Variants in CBX3 observed in about 807,000 individuals in gnomAD.
CBX3 encodes the protein chromobox protein homolog 3.
A neutral mutation model predicts 22.6 loss-of-function variants in CBX3; 5 were observed. That is an observed-to-expected ratio of 0.22 (90% confidence interval 0.12 to 0.47). The LOEUF is 0.47. CBX3 is among the 20% of genes least tolerant of loss of function. The pLI, the probability that CBX3 is intolerant of heterozygous loss-of-function variation, is 0.99. For missense variants in CBX3, 83 were observed against 208.1 expected, an observed-to-expected ratio of 0.40 and a Z score of 3.70; for synonymous variants, 50 against 66.6, an observed-to-expected ratio of 0.75 and a Z score of 1.21.
At chr7:26,209,366 G>A (rs920349826) in intron 4 of CBX3, among the ~76,000 whole-genome samples, 7 of 152,282 alleles carry the variant, frequency 4.6e-5, no homozygotes, top group Admixed American at 3.9e-4. Flanking sequence ...GGTTGTGCTA[G>A]TGCAATTTTT....
rs1784676197 is a variant in CBX3, at chr7:26,206,362, T to C, written c.25-6T>C. On this transcript the variant is annotated splice_region_variant and splice_polypyrimidine_tract_variant and intron_variant, in intron 2 of 5. Coordinates refer to ENST00000396386, the MANE Select transcript of CBX3 (RefSeq NM_016587.4). ...ATTTCTTAATTTCTCTTTTGTTTTA[T>C]TTTAGCAAAAAATGGGAAAAAAACA... 1 of 623,488 alleles carries C rather than the reference T, an allele frequency of 1.6e-6. No individual in the cohort carries two copies. Among genetic ancestry groups the C allele is most frequent in the East Asian group, 7.8e-5 (1 of 12,814 alleles). The allele number at this position is 623,488 out of a possible 1,614,324, so 38.6% of individuals were successfully genotyped here.
intron 2 of CBX3, 68 bp downstream of exon 2, chr7:26,203,090 T>A: frequency 9.1e-7 from 1 of 1,100,682 alleles, no homozygotes; most frequent in South Asian, 1.3e-5. Context: ...AGTATAACTT[T>A]GCATCTCTGT....
chr7:26,211,794 T>A, intron 5 of CBX3, 38 bp downstream of exon 5: 1 of 1,412,812 alleles, frequency 7.1e-7, no homozygotes, highest in East Asian at 2.4e-5. Flanking sequence ...AAAGTAAGAG[T>A]AGCTTTTTTT....
intron 2 of CBX3, 38 bp downstream of exon 2, chr7:26,203,060 C>G (rs752508670): frequency 3.6e-6 from 5 of 1,407,108 alleles, no homozygotes; most frequent in East Asian, 3.1e-5. Context: ...AAGGATTTAA[C>G]TCAAGTTTTT....
At chr7:26,208,652 C>G in intron 4 of CBX3, 97 bp downstream of exon 4, 2 of 1,172,816 alleles carry the variant, frequency 1.7e-6, no homozygotes, top group Non-Finnish European at 1.2e-6. Flanking sequence ...TGGAGTCTTG[C>G]TCTTGTCGCC....
chr7:26,209,140 C>T (rs1188104001), intron 4 of CBX3, among the ~76,000 whole-genome samples: 1 of 151,758 alleles, frequency 6.6e-6, no homozygotes, highest in Admixed American at 6.6e-5. Context: ...CTCCTGACAT[C>T]AGGTGATCCA....
intron 1 of CBX3, chr7:26,202,554 G>C: frequency 6.3e-6 from 1 of 159,146 alleles, no homozygotes; most frequent in Non-Finnish European, 1.4e-5. Flanking sequence ...GAGGGTTTCT[G>C]AGCAGAAACC....
chr7:26,207,559 C>G (rs181904482), intron 3 of CBX3, among the ~76,000 whole-genome samples: 12 of 152,222 alleles, frequency 7.9e-5, no homozygotes, highest in Admixed American at 2.6e-4. Context: ...CACCCTGTTG[C>G]CCAGGCTGGA....
chr7:26,211,835 A>T lies in CBX3; in HGVS notation c.425+79A>T, dbSNP rs1784807843. On this transcript the variant is annotated intron_variant, in intron 5 of 5. Coordinates refer to ENST00000396386, the MANE Select transcript of CBX3 (RefSeq NM_016587.4). ...ATTTGTGAAATGGTTTTTCATCATT[A>T]GGTAGGGAAAAACTATCTGCTGAGA... The T allele has an allele frequency of 4.5e-6, 5 of 1,101,700 alleles. No homozygotes were observed. The African/African-American group carries it at 4.8e-5, about 11-fold the overall frequency. 68.2% of individuals were successfully genotyped at this position (1,101,700 alleles called of 1,614,324 possible).
chr7:26,206,343 T>C lies in CBX3; in HGVS notation c.25-25T>C, dbSNP rs1027142591. 2.8e-6 allele frequency: 3 copies of C among 1,060,762 alleles called. No individual in the cohort carries two copies. In the African/African-American group the frequency reaches 5.2e-5, roughly 18 times the overall value. The allele number at this position is 1,060,762 out of a possible 1,614,324, so 65.7% of individuals were successfully genotyped here. A position where few individuals can be genotyped will look rare whatever the true frequency, so the allele number is the denominator to read the frequency against. On this transcript the variant is annotated intron_variant, in intron 2 of 5. Coordinates refer to ENST00000396386, the MANE Select transcript of CBX3 (RefSeq NM_016587.4). ...CTCAAAATTCAAGAGGAATATTTCT[T>C]AATTTCTCTTTTGTTTTATTTTAGC...
At chr7:26,211,857 G>C in intron 5 of CBX3, 101 bp downstream of exon 5, 1 of 940,098 alleles carries the variant, frequency 1.1e-6, no homozygotes. Context: ...ACTATCTGCT[G>C]AGAGGATGAT....
chr7:26,202,652 A>T (rs1326802022), intron 1 of CBX3: 2 of 298,838 alleles, frequency 6.7e-6, no homozygotes, highest in East Asian at 9.2e-5. Flanking sequence ...AACCGAAAGG[A>T]TTGTCCTTTA....
chr7:26,202,375 CCGGGTGGGGGCGGGCACCCGCGCTTA>C (rs1562740708), intron 1 of CBX3: 1 of 152,268 alleles, frequency 6.6e-6, no homozygotes, highest in Admixed American at 6.5e-5. Context: ...GCCCGCGCTC[CCGGGTGGGGGCGGGCACCCGCGCTTA>C]GGCCTCTGGA....
At chr7:26,205,308 C>T (rs1411099229) in intron 2 of CBX3, among the ~76,000 whole-genome samples, 1 of 152,080 alleles carries the variant, frequency 6.6e-6, no homozygotes, top group Non-Finnish European at 1.5e-5. Flanking sequence ...AAGAAAATGC[C>T]TGTTTAAAGT....
intron 2 of CBX3, among the ~76,000 whole-genome samples, chr7:26,204,881 C>G (rs1784639470): frequency 6.6e-6 from 1 of 152,130 alleles, no homozygotes. Context: ...CTTAAGCCTC[C>G]TGGGTTCAAG....
chr7:26,208,286 CAG>C, intron 3 of CBX3, 105 bp from the exon 4 acceptor site: 2 of 850,762 alleles, frequency 2.4e-6, no homozygotes, highest in South Asian at 4.1e-5. Context: ...ATCTGCAGTA[CAG>C]AGGACTTTTT....
At chr7:26,207,381 A>G (rs960987475) in intron 3 of CBX3, among the ~76,000 whole-genome samples, 1 of 152,224 alleles carries the variant, frequency 6.6e-6, no homozygotes, top group Non-Finnish European at 1.5e-5. Flanking sequence ...TATTAAGCCC[A>G]TGAAACATGA....
At chr7:26,211,265 G>A (rs980620941) in intron 4 of CBX3, among the ~76,000 whole-genome samples, 5 of 152,078 alleles carry the variant, frequency 3.3e-5, no homozygotes, top group Admixed American at 6.6e-5. Flanking sequence ...CTTACCGTTT[G>A]TGTTTTGTTT....
intron 2 of CBX3, among the ~76,000 whole-genome samples, chr7:26,205,253 C>G (rs1232825390): frequency 6.6e-6 from 1 of 152,086 alleles, no homozygotes; most frequent in East Asian, 1.9e-4. Context: ...TTGGAAAGAG[C>G]TGGTTCACGT....
Sources: gnomAD v4.1 joint callset for allele counts (sites outside exome capture counted in the v4.1 genomes callset) on GRCh38, gnomAD v4.1.1 for gene constraint, MANE v1.5 for transcripts, NCBI Gene and HGNC (gene_info 2026-07-23, HGNC 2026-07-21) for gene names.